The following RALGPS1 variants were observed in gnomAD, a reference collection of about 807,000 sequenced individuals.
The protein encoded by RALGPS1 is Ral GEF with PH domain and SH3 binding motif 1, also known as ras-specific guanine nucleotide-releasing factor RalGPS1.
In RALGPS1, 19 loss-of-function variants were observed where a neutral mutation model predicts 78.8. The observed-to-expected ratio is 0.24, with a 90% CI of 0.17 to 0.35. The LOEUF is 0.35. Among genes scored for constraint, RALGPS1 ranks in the 10% least tolerant of loss-of-function variants. The probability of loss-of-function intolerance (pLI) is 1.00; values close to 1 mark genes in which losing one functional copy is unlikely to be tolerated. For missense variants in RALGPS1, 454 were observed against 688.3 expected, an observed-to-expected ratio of 0.66 and a Z score of 3.81; for synonymous variants, 228 against 256.3, an observed-to-expected ratio of 0.89 and a Z score of 1.06.
In RALGPS1 at chr9:127,082,129, A is replaced by G. The variant is rs138529366; in HGVS notation, c.610+12773A>G. ...GCATGGATATGGGAGGTGAGCCACCACTACTGGAACCCAGTTACCAGATAA... is the reference window on the plus strand; with the variant it reads ...GCATGGATATGGGAGGTGAGCCACCGCTACTGGAACCCAGTTACCAGATAA... On this transcript the variant is annotated intron_variant, in intron 8 of 18. Coordinates refer to ENST00000259351, the MANE Select transcript of RALGPS1 (RefSeq NM_014636.3). Among the ~76,000 whole-genome samples, 297 of 152,286 alleles carry G rather than the reference A, an allele frequency of 2.0e-3. 1 individual carries two copies. The highest frequency in any genetic ancestry group is 6.7e-3 in the African/African-American group (279 of 41,574).
intron 10 of RALGPS1, 34 bp downstream of exon 10, chr9:127,168,806 C>A (rs2059418779): frequency 6.5e-7 from 1 of 1,547,186 alleles, no homozygotes; most frequent in African/African-American, 1.4e-5. Context: ...TCAGGCCTCC[C>A]AGCCCCACTT....
chr9:127,109,142 G>A (rs558484360), intron 8 of RALGPS1, among the ~76,000 whole-genome samples: 40 of 152,236 alleles, frequency 2.6e-4, no homozygotes, highest in Non-Finnish European at 5.1e-4. Context: ...GAGGCAGAGG[G>A]AGGGTTTTCT....
intron 8 of RALGPS1, among the ~76,000 whole-genome samples, chr9:127,120,295 G>A (rs1412004595): frequency 6.6e-6 from 1 of 152,214 alleles, no homozygotes; most frequent in African/African-American, 2.4e-5. Context: ...CCTTCCTCCT[G>A]TAAGGTTGGT....
chr9:126,950,313 A>C (rs546243773), intron 1 of RALGPS1, among the ~76,000 whole-genome samples: 2,065 of 152,238 alleles, frequency 0.014, 50 homozygotes, highest in African/African-American at 0.047. Context: ...TTTTGGTTCC[A>C]TATGAACTTT....
At chr9:126,998,641 C>A (rs10987539) in intron 4 of RALGPS1, among the ~76,000 whole-genome samples, 88,938 of 151,906 alleles carry the variant, frequency 0.59, 30,114 homozygotes, top group East Asian at 0.81. Flanking sequence ...CTAGAAATAC[C>A]ATTTGACCCA....
intron 8 of RALGPS1, chr9:127,094,003 C>A: frequency 3.3e-6 from 5 of 1,523,210 alleles, no homozygotes; most frequent in Non-Finnish European, 4.5e-6. Flanking sequence ...CCCAAGCAGG[C>A]ACAACCTCTG....
At chr9:126,952,648 A>AGTGTGTGTGTGT (rs1370007469) in intron 1 of RALGPS1, among the ~76,000 whole-genome samples, 30 of 75,516 alleles carry the variant, frequency 4.0e-4, no homozygotes, top group South Asian at 1.0e-3. Context: ...AGAGAGAGAG[A>AGTGTGTGTGTGT]GAGAGAGAGT....
chr9:127,009,051 T>A (rs1025606129), intron 4 of RALGPS1, among the ~76,000 whole-genome samples: 5 of 152,228 alleles, frequency 3.3e-5, no homozygotes, highest in African/African-American at 4.8e-5. Flanking sequence ...TTGTCACATA[T>A]ACCATTTTTC....
At chr9:127,009,403 A>G (rs2044150041) in intron 4 of RALGPS1, among the ~76,000 whole-genome samples, 1 of 152,096 alleles carries the variant, frequency 6.6e-6, no homozygotes, top group Non-Finnish European at 1.5e-5. Context: ...ACATCCTCCA[A>G]TCCATCAAGG....
rs1329405999 is a variant in RALGPS1 at position 127,221,004 on chromosome 9, G to A, written c.*2235G>A. ...GAGTCTGCTTCCACGTCCTCTCCCA[G>A]GAACATTCTTAGCTCGGACTCTTGA... is the stretch of plus-strand genomic sequence containing the variant. On this transcript the variant is annotated 3_prime_UTR_variant, in exon 19 of 19. Transcript: ENST00000259351. 6.6e-6 allele frequency: 1 copy of A among 152,526 alleles called. No individual in the cohort carries two copies. The highest frequency in any genetic ancestry group is 1.9e-4 in the East Asian group (1 of 5,202). 9.4% of individuals were successfully genotyped at this position (152,526 alleles called of 1,614,324 possible).
chr9:127,220,991 A>G lies in RALGPS1; in HGVS notation c.*2222A>G, dbSNP rs1050745126. ...CTTCTCACTAATTGAGTCTGCTTCC[A>G]CGTCCTCTCCCAGGAACATTCTTAG... On this transcript the variant is annotated 3_prime_UTR_variant, in exon 19 of 19. Coordinates refer to ENST00000259351, the MANE Select transcript of RALGPS1 (RefSeq NM_014636.3). 3 of 152,624 alleles carry G rather than the reference A, an allele frequency of 2.0e-5. No homozygotes were observed. Among genetic ancestry groups the G allele is most frequent in the African/African-American group, 7.2e-5 (3 of 41,470 alleles). 9.5% of individuals were successfully genotyped at this position (152,624 alleles called of 1,614,324 possible).
intron 8 of RALGPS1, among the ~76,000 whole-genome samples, chr9:127,160,709 C>T (rs1221904186): frequency 6.6e-6 from 1 of 152,232 alleles, no homozygotes; most frequent in Non-Finnish European, 1.5e-5. Flanking sequence ...CAATGACTTC[C>T]AGCCCCCAGC....
chr9:126,969,657 C>T (rs1052271108), intron 3 of RALGPS1, among the ~76,000 whole-genome samples: 13 of 152,160 alleles, frequency 8.5e-5, no homozygotes, highest in Non-Finnish European at 1.6e-4. Flanking sequence ...GAAGCAATAA[C>T]GAGGCTTAAA....
At chr9:127,160,630 G>A (rs1251758917) in intron 8 of RALGPS1, among the ~76,000 whole-genome samples, 1 of 152,170 alleles carries the variant, frequency 6.6e-6, no homozygotes, top group Non-Finnish European at 1.5e-5. Flanking sequence ...GGGATTGGGG[G>A]AAGACAGGCC....
At chr9:127,146,285 C>G (rs936990093) in intron 8 of RALGPS1, among the ~76,000 whole-genome samples, 7 of 152,114 alleles carry the variant, frequency 4.6e-5, no homozygotes, top group Non-Finnish European at 8.8e-5. Context: ...CATGTGTACC[C>G]TGCGTTTAGC....
At chr9:127,002,019 T>G (rs1270962440) in intron 4 of RALGPS1, among the ~76,000 whole-genome samples, 1 of 152,226 alleles carries the variant, frequency 6.6e-6, no homozygotes, top group Non-Finnish European at 1.5e-5. Flanking sequence ...TACACAAATC[T>G]TAAGGCTATA....
At chr9:127,093,657 T>C in intron 8 of RALGPS1, 5 of 1,551,338 alleles carry the variant, frequency 3.2e-6, no homozygotes, top group Non-Finnish European at 4.4e-6. Context: ...TGGGCTCTTC[T>C]ATTGGTTGCT....
At chr9:126,948,963 C>A (rs1225373533) in intron 1 of RALGPS1, among the ~76,000 whole-genome samples, 1 of 151,948 alleles carries the variant, frequency 6.6e-6, no homozygotes, top group African/African-American at 2.4e-5. Context: ...CTATCCCTCC[C>A]CCCTACCCCC....
At chr9:126,954,457 C>T (rs2038156923) in intron 1 of RALGPS1, among the ~76,000 whole-genome samples, 2 of 152,236 alleles carry the variant, frequency 1.3e-5, no homozygotes, top group South Asian at 4.1e-4. Flanking sequence ...TCTTCCAAAA[C>T]AGTGCTGATC....
Sources: gnomAD v4.1 joint callset for allele counts (sites outside exome capture counted in the v4.1 genomes callset) on GRCh38, gnomAD v4.1.1 for gene constraint, MANE v1.5 for transcripts, NCBI Gene and HGNC (gene_info 2026-07-23, HGNC 2026-07-21) for gene names.